Variants in SNX14 observed in about 807,000 individuals in gnomAD.
SNX14 encodes sorting nexin 14.
SNX14 carries 93 observed loss-of-function variants against 133.8 expected under a neutral mutation model. The observed-to-expected ratio is 0.70, with a 90% CI of 0.59 to 0.83. The LOEUF (loss-of-function observed/expected upper bound fraction) is 0.83. Among genes scored for constraint, SNX14 ranks in the 40% least tolerant of loss-of-function variants. The probability of loss-of-function intolerance (pLI) is 0.00; values close to 1 mark genes in which losing one functional copy is unlikely to be tolerated. For missense variants in SNX14, 945 were observed against 1,094.9 expected (o/e 0.86, Z 1.93); for synonymous variants, 368 against 365.6 (o/e 1.01, Z -0.07).
At chr6:85,536,704 A>C in intron 17 of SNX14, 88 bp downstream of exon 17, 1 of 1,329,038 alleles carries the variant, frequency 7.5e-7, no homozygotes, top group Non-Finnish European at 1.0e-6. Flanking sequence ...CAGATTCTCC[A>C]AAAAAAGGAA....
intron 1 of SNX14, among the ~76,000 whole-genome samples, chr6:85,586,189 A>G (rs1301128355): frequency 6.6e-6 from 1 of 152,206 alleles, no homozygotes; most frequent in African/African-American, 2.4e-5. Context: ...CTTCCAGATC[A>G]GCAGTTGACA....
chr6:85,590,635 T>C (rs929615753), intron 1 of SNX14, among the ~76,000 whole-genome samples: 1 of 152,198 alleles, frequency 6.6e-6, no homozygotes, highest in East Asian at 1.9e-4. Context: ...TTGCTGGCAT[T>C]AAATTACCCA....
chr6:85,558,217 A>G (rs1047507338), intron 6 of SNX14, among the ~76,000 whole-genome samples, 157 bp from the exon 7 acceptor site: 2 of 152,234 alleles, frequency 1.3e-5, no homozygotes, highest in African/African-American at 4.8e-5. Flanking sequence ...ACTAACTGTA[A>G]CATTAGATAA....
chr6:85,544,770 C>T (rs1482427106), intron 12 of SNX14, among the ~76,000 whole-genome samples: 2 of 152,136 alleles, frequency 1.3e-5, no homozygotes, highest in East Asian at 1.9e-4. Context: ...TTCAGACACA[C>T]AAAAGCTAAG....
chr6:85,531,844 T>C (rs1423093724), intron 18 of SNX14, among the ~76,000 whole-genome samples: 2 of 152,028 alleles, frequency 1.3e-5, no homozygotes, highest in Non-Finnish European at 2.9e-5. Flanking sequence ...CTCAGCAACA[T>C]AGTGAGACCT....
At chr6:85,571,468 AT>A (rs1795571581) in intron 4 of SNX14, among the ~76,000 whole-genome samples, 1 of 152,154 alleles carries the variant, frequency 6.6e-6, no homozygotes, top group Non-Finnish European at 1.5e-5. Context: ...CGGGATTCAG[AT>A]GCTATTCTTC....
intron 1 of SNX14, among the ~76,000 whole-genome samples, chr6:85,576,116 TTGAC>T (rs1245812915): frequency 6.6e-6 from 1 of 152,168 alleles, no homozygotes; most frequent in Non-Finnish European, 1.5e-5. Context: ...AATTTTCCCA[TTGAC>T]TGAAACCATT....
intron 7 of SNX14, among the ~76,000 whole-genome samples, chr6:85,557,376 A>C (rs1790117259): frequency 6.6e-6 from 1 of 152,218 alleles, no homozygotes; most frequent in Non-Finnish European, 1.5e-5. Context: ...GGTAAGAAGG[A>C]AAGGAGGAAA....
At chr6:85,507,859 C>A in intron 27 of SNX14, 109 bp downstream of exon 27, 2 of 605,440 alleles carry the variant, frequency 3.3e-6, no homozygotes, top group South Asian at 5.5e-5. Context: ...AATTATATTG[C>A]CTTGGTTTAG....
intron 7 of SNX14, 136 bp downstream of exon 7, chr6:85,557,840 T>C: frequency 3.4e-6 from 2 of 593,124 alleles, no homozygotes; most frequent in Non-Finnish European, 5.9e-6. Flanking sequence ...CTGAAAGACA[T>C]TTCAGTTTAA....
At chr6:85,541,663 C>T (rs915356657) in intron 15 of SNX14, among the ~76,000 whole-genome samples, 18 of 152,134 alleles carry the variant, frequency 1.2e-4, no homozygotes, top group African/African-American at 4.3e-4. Flanking sequence ...TTCTCTAAAA[C>T]GTTTAATTCT....
chr6:85,584,982 G>C (rs1021143714), intron 1 of SNX14, among the ~76,000 whole-genome samples: 14 of 152,134 alleles, frequency 9.2e-5, no homozygotes, highest in African/African-American at 3.1e-4. Flanking sequence ...CACAATAGCA[G>C]AGACTTGGAA....
chr6:85,543,663 C>G lies in SNX14; in HGVS notation c.1206G>C (p.Leu402Phe). 2 of 1,587,548 alleles carry G rather than the reference C, an allele frequency of 1.3e-6. No homozygotes were observed. The highest frequency in any genetic ancestry group is 1.7e-6 in the Non-Finnish European group (2 of 1,164,976). Reference protein sequence around the residue: ...ELQKIYKTYCLDESIDKIRFD... With the variant: ...ELQKIYKTYCFDESIDKIRFD... The stretch of plus-strand genomic sequence containing the variant: ...ATCTAATTTTGTCAATACTTTCATC[C>G]AAACAGTATGTTTTATAAATCTTCT... Residue 402 changes from leucine (L) to phenylalanine (F), a missense_variant, in exon 13 of 29, where the codon TTG (leucine) becomes TTC (phenylalanine). Leu to Phe is a conservative substitution (Grantham distance 22). Transcript: ENST00000314673.
chr6:85,570,574 T>C (rs2128187542), intron 4 of SNX14, among the ~76,000 whole-genome samples: 1 of 152,196 alleles, frequency 6.6e-6, no homozygotes, highest in East Asian at 1.9e-4. Flanking sequence ...GAGATACTTG[T>C]CCAGGCGCAG....
At chr6:85,528,863 C>A (rs907402229) in intron 19 of SNX14, among the ~76,000 whole-genome samples, 2 of 151,786 alleles carry the variant, frequency 1.3e-5, no homozygotes, top group Admixed American at 6.6e-5. Flanking sequence ...TCAAGACTAA[C>A]GTGATATAAA....
chr6:85,578,810 A>T (rs1798111333), intron 1 of SNX14, among the ~76,000 whole-genome samples: 3 of 152,166 alleles, frequency 2.0e-5, no homozygotes, highest in Admixed American at 2.0e-4. Context: ...AGAAGTTGAC[A>T]CTGGTGAGTA....
chr6:85,511,107 A>G (rs1164504172), intron 26 of SNX14, among the ~76,000 whole-genome samples: 1 of 152,116 alleles, frequency 6.6e-6, no homozygotes, highest in South Asian at 2.1e-4. Context: ...AAGTTTTACA[A>G]TTTTTCTCAT....
chr6:85,523,694 G>A (rs1777609936), intron 21 of SNX14, among the ~76,000 whole-genome samples: 2 of 152,268 alleles, frequency 1.3e-5, no homozygotes, highest in South Asian at 4.1e-4. Context: ...GAGCCCAGAA[G>A]GCAGAAGTTG....
intron 21 of SNX14, among the ~76,000 whole-genome samples, chr6:85,520,545 A>G (rs566665560): frequency 7.8e-4 from 119 of 151,792 alleles, no homozygotes; most frequent in African/African-American, 2.9e-3. Context: ...TTTAGTAGAG[A>G]CAGGGTTTCA....
Sources: allele counts gnomAD v4.1 joint callset (sites outside exome capture counted in the v4.1 genomes callset), GRCh38; gene constraint gnomAD v4.1.1; transcripts MANE v1.5; gene names NCBI Gene and HGNC (gene_info 2026-07-23, HGNC 2026-07-21).